Variants in IFT172 observed in about 807,000 individuals in gnomAD.
The protein encoded by IFT172 is intraflagellar transport 172, also known as intraflagellar transport protein 172 homolog.
IFT172 carries 164 observed loss-of-function variants against 248.9 expected under a neutral mutation model. The ratio of observed to expected loss-of-function variants is 0.66; its 90% CI spans 0.58 to 0.75. The LOEUF is 0.75. Among genes scored for constraint, IFT172 ranks in the 30% least tolerant of loss-of-function variants. The pLI is 0.00. For synonymous variants in IFT172, 729 were observed against 791.6 expected (o/e 0.92, Z 1.33); for missense variants, 1,950 against 2,192.4 (o/e 0.89, Z 2.21).
intron 40 of IFT172, among the ~76,000 whole-genome samples, chr2:27,448,334 C>T (rs1411674373): frequency 3.9e-5 from 6 of 152,184 alleles, no homozygotes; most frequent in South Asian, 2.1e-4. Context: ...CTCCTGACCT[C>T]GTAATCCGCC....
In IFT172 at chr2:27,483,786, C is replaced by T. The variant is rs539126371; in HGVS notation, c.402+86G>A. The T allele has an allele frequency of 4.1e-6, 6 of 1,455,646 alleles. No homozygotes were observed. In the East Asian group the frequency reaches 1.4e-4, roughly 33 times the overall value. 90.2% of individuals were successfully genotyped at this position (1,455,646 alleles called of 1,614,324 possible). A position where few individuals can be genotyped will look rare whatever the true frequency, so the allele number is the denominator to read the frequency against. ...CATTCTCCCCAGTACGCAACTTGAT[C>T]CTAAGAAAGAGGATGAACCATATTC... On this transcript the variant is annotated intron_variant, in intron 5 of 47. Coordinates refer to ENST00000260570, the MANE Select transcript of IFT172 (RefSeq NM_015662.3).
At chr2:27,485,655 G>A (rs1172057885) in intron 1 of IFT172, 152 bp from the exon 2 acceptor site, 1 of 850,842 alleles carries the variant, frequency 1.2e-6, no homozygotes, top group Non-Finnish European at 1.8e-6. Flanking sequence ...GCCCATGCTG[G>A]TCTCCAAGGC....
At chr2:27,456,956 A>C (rs911283053) in intron 29 of IFT172, among the ~76,000 whole-genome samples, 1 of 152,098 alleles carries the variant, frequency 6.6e-6, no homozygotes, top group South Asian at 2.1e-4. Context: ...GAGGCAGAAA[A>C]ATTGCTTGAA....
At chr2:27,476,963 A>G in intron 13 of IFT172, 1 of 592,534 alleles carries the variant, frequency 1.7e-6, no homozygotes, top group East Asian at 2.8e-5. Context: ...AACTGGGACT[A>G]CAGGGGTGTG....
intron 14 of IFT172, among the ~76,000 whole-genome samples, chr2:27,474,420 G>C (rs1049267315): frequency 2.0e-5 from 3 of 152,112 alleles, no homozygotes; most frequent in African/African-American, 7.2e-5. Flanking sequence ...AATAAAATTA[G>C]ATCGCTACCC....
rs1470090185 is a variant in IFT172, at chr2:27,477,559, A to C, written c.1221T>G (p.Asn407Lys). Residue 407 changes from asparagine (N) to lysine (K), a missense_variant and splice_region_variant, in exon 12 of 48, where the codon AAT (asparagine) becomes AAG (lysine). Physicochemically the swap from Asn to Lys is moderately conservative, Grantham distance 94. This residue lies in a region of IFT172 where 1,166 missense variants were observed against 1,254.1 expected (regional missense o/e 0.93). Coordinates refer to ENST00000260570, the MANE Select transcript of IFT172 (RefSeq NM_015662.3). ...GNEKYFFENE[N>K]VCMIFNAGEL... ...TGATGGTGAATCAAGCTCTACTCAC[A>C]TTCTCATTTTCAAAGAAATACTTCT... 1.2e-6 allele frequency: 2 copies of C among 1,600,340 alleles called. No homozygotes were observed. The highest frequency in any genetic ancestry group is 1.7e-6 in the Non-Finnish European group (2 of 1,167,446).
chr2:27,464,015 A>G lies in IFT172; in HGVS notation c.1938-834T>C, dbSNP rs139213717. ...TGAAAATGACACAATCTATGTTTAA[A>G]AAAATGACCTCAGCTGCTCTGGGAT... is the stretch of plus-strand genomic sequence containing the variant. On this transcript the variant is annotated intron_variant, in intron 18 of 47. Transcript: ENST00000260570. Among the ~76,000 whole-genome samples, 907 of 152,326 alleles carry G rather than the reference A, an allele frequency of 6.0e-3. 8 individuals are homozygous for G. The highest frequency in any genetic ancestry group is 0.021 in the African/African-American group (858 of 41,562).
At chr2:27,466,856 A>C (rs939300442) in intron 16 of IFT172, among the ~76,000 whole-genome samples, 1 of 149,632 alleles carries the variant, frequency 6.7e-6, no homozygotes, top group African/African-American at 2.4e-5. Flanking sequence ...TACTGAAAGA[A>C]AAAAAAAAAA....
chr2:27,486,667 A>T (rs542320438), intron 1 of IFT172, among the ~76,000 whole-genome samples: 3 of 152,186 alleles, frequency 2.0e-5, no homozygotes, highest in Non-Finnish European at 4.4e-5. Context: ...ACTCTTCATT[A>T]TATTAGGTTA....
intron 4 of IFT172, 97 bp from the exon 5 acceptor site, chr2:27,484,034 C>T (rs1463922650): frequency 7.7e-6 from 10 of 1,297,958 alleles, no homozygotes; most frequent in South Asian, 7.2e-5. Flanking sequence ...CCACCTCAAT[C>T]TCCTATAGGG....
At chr2:27,460,971 C>T (rs1052412312) in intron 23 of IFT172, 44 bp downstream of exon 23, 1 of 1,612,904 alleles carries the variant, frequency 6.2e-7, no homozygotes, top group Non-Finnish European at 8.5e-7. Flanking sequence ...ACCAGATGGG[C>T]AAGAGTCCAC....
At chr2:27,484,377 G>A (rs1156356138) in intron 3 of IFT172, 111 bp from the exon 4 acceptor site, 2 of 1,075,500 alleles carry the variant, frequency 1.9e-6, no homozygotes, top group East Asian at 5.7e-5. Context: ...GGATCATGAG[G>A]TCAGGAGATC....
Position 27,470,942 on chromosome 2 carries a change from T to C in IFT172, c.1678A>G (p.Met560Val), listed in dbSNP as rs763516858. The C allele has an allele frequency of 2.9e-5, 46 of 1,606,450 alleles. No homozygotes were observed. The East Asian group carries it at 8.5e-4, about 30-fold the overall frequency. The change falls in exon 16 of 48, where the codon ATG becomes GTG. Residue 560 changes from methionine to valine, a missense_variant. Physicochemically the swap from Met to Val is conservative, Grantham distance 21 (BLOSUM62 1). Around this residue, in one of 3 missense-constraint regions of IFT172, gnomAD observed 1,166 missense variants for 1,254.1 expected, o/e 0.93. Coordinates refer to ENST00000260570, the MANE Select transcript of IFT172 (RefSeq NM_015662.3). ...YNIEAPERVT[M>V]FTIRGDVIGL... ...GTCCAACATACCCTAATAGTGAACA[T>C]GGTGACTCTCTCAGGTGCCTCAATG...
Position 27,480,281 on chromosome 2 carries a change from A to G in IFT172, c.786-132T>C, listed in dbSNP as rs991805471. ...AATAAAAAGAACAGACAAGCTAGGC[A>G]GTCTAGCAGAAGAGGATATAAAGGT... On this transcript the variant is annotated intron_variant, in intron 8 of 47. Transcript: ENST00000260570. 9.4e-5 allele frequency: 124 copies of G among 1,321,444 alleles called. 2 individuals carry two copies. In the South Asian group the frequency reaches 1.4e-3, roughly 14 times the overall value. The allele number at this position is 1,321,444 out of a possible 1,614,324, so 81.9% of individuals were successfully genotyped here. A position where few individuals can be genotyped will look rare whatever the true frequency, so the allele number is the denominator to read the frequency against.
rs1465538905 is a variant in IFT172, at chr2:27,453,519, G to C, written c.3822-6C>G. On this transcript the variant is annotated splice_polypyrimidine_tract_variant and splice_region_variant and intron_variant, in intron 34 of 47. Transcript: ENST00000260570. ...CCACAAATCCCTCCACACCCCTGTG[G>C]AGATGAGAGCGCTGGGACTTGGCAT... 6.2e-7 allele frequency: 1 copy of C among 1,613,760 alleles called. No individual in the cohort carries two copies. The highest frequency in any genetic ancestry group is 8.5e-7 in the Non-Finnish European group (1 of 1,179,692).
rs561925805 is a variant in IFT172, at chr2:27,472,616, C to A, written c.1412-254G>T. 2.0e-5 allele frequency among the ~76,000 whole-genome samples: 3 copies of A among 152,304 alleles called. No individual in the cohort carries two copies. In the East Asian group the frequency reaches 5.8e-4, roughly 29 times the overall value. ...GCTTCTCCTACTCACAGAATCCCCT[C>A]GAAGGCAGCACTGAGCACATTAAAG... is the stretch of plus-strand genomic sequence containing the variant. On this transcript the variant is annotated intron_variant, in intron 14 of 47. Transcript: ENST00000260570.
Position 27,447,836 on chromosome 2 carries a change from A to G in IFT172, c.4515T>C (p.Asp1505=). ...CCAGGTTGAAGAGGACATCTCGAAG[A>G]TCAGCCCAGCTATGATAGGCCTCGG... ...NCAEAYHSWA[D]LRDVLFNLCE... Residue 1505 remains aspartate (D), a synonymous_variant, in exon 41 of 48, where the codon GAT becomes GAC. Coordinates refer to ENST00000260570, the MANE Select transcript of IFT172 (RefSeq NM_015662.3). The G allele has an allele frequency of 1.2e-6, 2 of 1,613,624 alleles. No homozygotes were observed. The highest frequency in any genetic ancestry group is 8.5e-7 in the Non-Finnish European group (1 of 1,179,494).
chr2:27,478,370 A>G (rs184442937), intron 10 of IFT172, among the ~76,000 whole-genome samples: 80 of 152,362 alleles, frequency 5.3e-4, no homozygotes, highest in Non-Finnish European at 1.3e-4. Context: ...TTTGACACTC[A>G]TAATTTATAT....
At chr2:27,455,913 C>A in intron 30 of IFT172, 5 of 310,314 alleles carry the variant, frequency 1.6e-5, no homozygotes, top group Non-Finnish European at 3.1e-5. Context: ...CTGGTGCTTC[C>A]AAAAAAAAAG....
Sources: gnomAD v4.1 joint callset for allele counts (sites outside exome capture counted in the v4.1 genomes callset) on GRCh38, gnomAD v4.1.1 for gene constraint, gnomAD v4.1.1 regional missense constraint, MANE v1.5 for transcripts, NCBI Gene and HGNC (gene_info 2026-07-23, HGNC 2026-07-21) for gene names.